The following TENM3 variants were observed in gnomAD, a reference collection of about 807,000 sequenced individuals.
The protein encoded by TENM3 is teneurin-3.
Under a neutral mutation model 255.1 loss-of-function variants are expected in TENM3, and 63 were observed. The ratio of observed to expected loss-of-function variants is 0.25; its 90% CI spans 0.20 to 0.30. TENM3 has a LOEUF of 0.30. TENM3 is among the 10% of genes least tolerant of loss of function. The pLI is 1.00. For synonymous variants in TENM3, 1,306 were observed against 1,322.3 expected, an observed-to-expected ratio of 0.99 and a Z score of 0.27; for missense variants, 2,929 against 3,461.1, an observed-to-expected ratio of 0.85 and a Z score of 3.86.
intron 1 of TENM3, among the ~76,000 whole-genome samples, chr4:182,166,866 TAA>T (rs1312601323): frequency 6.8e-6 from 1 of 146,618 alleles, no homozygotes; most frequent in Non-Finnish European, 1.5e-5. Context: ...TTATAATTGT[TAA>T]ACTCTTGGGT....
the TENM3 span, among the ~76,000 whole-genome samples, chr4:181,785,042 A>C: frequency 2.0e-5 from 3 of 152,184 alleles, no homozygotes; most frequent in Non-Finnish European, 4.4e-5. Context: ...ATGGGAATGC[A>C]GGAAGGGTGT....
intron 3 of TENM3, among the ~76,000 whole-genome samples, chr4:182,484,620 G>C (rs1041880540): frequency 6.6e-6 from 1 of 152,132 alleles, no homozygotes; most frequent in Non-Finnish European, 1.5e-5. Flanking sequence ...TGTCAGGAAA[G>C]ATTCAGGAAT....
the TENM3 span, among the ~76,000 whole-genome samples, chr4:181,719,546 G>C: frequency 1.3e-5 from 2 of 152,142 alleles, no homozygotes; most frequent in African/African-American, 4.8e-5. Context: ...CGGTGGAAGC[G>C]CAAAAGGGCT....
At chr4:182,059,202 C>T in the TENM3 span, among the ~76,000 whole-genome samples, 1 of 152,074 alleles carries the variant, frequency 6.6e-6, no homozygotes, top group Non-Finnish European at 1.5e-5. Flanking sequence ...ACAGATACAA[C>T]TTTAACCTTC....
chr4:181,804,735 T>A, the TENM3 span, among the ~76,000 whole-genome samples: 2 of 152,070 alleles, frequency 1.3e-5, no homozygotes, highest in African/African-American at 2.4e-5. Flanking sequence ...GGATGCCTGG[T>A]GTGGTGGCAG....
At chr4:181,858,677 G>A in the TENM3 span, among the ~76,000 whole-genome samples, 1 of 152,286 alleles carries the variant, frequency 6.6e-6, no homozygotes, top group African/African-American at 2.4e-5. Context: ...GGATGGAGGA[G>A]GGGAGCACCC....
chr4:181,848,079 G>A, the TENM3 span, among the ~76,000 whole-genome samples: 1 of 152,050 alleles, frequency 6.6e-6, no homozygotes, highest in Non-Finnish European at 1.5e-5. Flanking sequence ...CTTTTGCATT[G>A]CGCCCTTTAT....
At chr4:181,790,746 G>T in the TENM3 span, among the ~76,000 whole-genome samples, 14 of 152,156 alleles carry the variant, frequency 9.2e-5, no homozygotes, top group African/African-American at 3.4e-4. Context: ...CCAAGAAATG[G>T]CTCTAAACTG....
the TENM3 span, among the ~76,000 whole-genome samples, chr4:181,501,276 C>T: frequency 7.9e-5 from 12 of 152,230 alleles, no homozygotes; most frequent in East Asian, 3.9e-4. Context: ...GGGAGATGTC[C>T]CAGCCTTTTG....
chr4:181,818,246 A>C, the TENM3 span, among the ~76,000 whole-genome samples: 2 of 152,330 alleles, frequency 1.3e-5, no homozygotes, highest in Middle Eastern at 3.4e-3. Context: ...TATTTTGTAG[A>C]TGTTAATTAA....
chr4:181,818,756 C>T, the TENM3 span, among the ~76,000 whole-genome samples: 1 of 151,908 alleles, frequency 6.6e-6, no homozygotes, highest in African/African-American at 2.4e-5. Flanking sequence ...ATTACAGGTG[C>T]CTGCCACCAT....
At chr4:182,310,476 T>C (rs2150413041) in intron 1 of TENM3, among the ~76,000 whole-genome samples, 1 of 152,304 alleles carries the variant, frequency 6.6e-6, no homozygotes, top group Non-Finnish European at 1.5e-5. Context: ...GCTACAAGTT[T>C]ACATCTTCCC....
chr4:181,719,155 G>A, the TENM3 span, among the ~76,000 whole-genome samples: 3 of 151,782 alleles, frequency 2.0e-5, no homozygotes, highest in African/African-American at 4.8e-5. Flanking sequence ...GCAGTGAGCC[G>A]AGATCGCGCC....
the TENM3 span, among the ~76,000 whole-genome samples, chr4:181,928,103 A>C: frequency 6.6e-6 from 1 of 152,186 alleles, no homozygotes; most frequent in African/African-American, 2.4e-5. Flanking sequence ...AAAATTCAAA[A>C]AACCAGAATG....
At chr4:181,668,213 T>G in the TENM3 span, among the ~76,000 whole-genome samples, 2 of 152,164 alleles carry the variant, frequency 1.3e-5, no homozygotes, top group Admixed American at 6.5e-5. Flanking sequence ...TGTTCAAATA[T>G]AACGTCCACA....
chr4:182,078,511 G>A, the TENM3 span, among the ~76,000 whole-genome samples: 1 of 152,032 alleles, frequency 6.6e-6, no homozygotes, highest in Non-Finnish European at 1.5e-5. Context: ...AACAGAGCGA[G>A]ACTCTGCCTC....
chr4:181,836,183 GCACACACACACACACA>G, the TENM3 span, among the ~76,000 whole-genome samples: 1 of 148,942 alleles, frequency 6.7e-6, no homozygotes, highest in South Asian at 2.1e-4. Context: ...ATACACACAT[GCACACACACACACACA>G]CACACACACA....
At chr4:181,458,483 T>A in the TENM3 span, among the ~76,000 whole-genome samples, 1 of 151,912 alleles carries the variant, frequency 6.6e-6, no homozygotes, top group Non-Finnish European at 1.5e-5. Context: ...CATAAATAAA[T>A]GCTTTTTGAA....
the TENM3 span, among the ~76,000 whole-genome samples, chr4:181,643,349 A>C: frequency 6.6e-6 from 1 of 152,096 alleles, no homozygotes; most frequent in East Asian, 1.9e-4. Flanking sequence ...TTGTATCCTG[A>C]GACTTTGCTG....
Sources: gnomAD v4.1 joint callset for allele counts (sites outside exome capture counted in the v4.1 genomes callset) on GRCh38, gnomAD v4.1.1 for gene constraint, MANE v1.5 for transcripts, NCBI Gene and HGNC (gene_info 2026-07-23, HGNC 2026-07-21) for gene names.